RILPL1: variants seen among roughly 807,000 people sequenced by gnomAD.
RILPL1 encodes Rab interacting lysosomal protein like 1, also known as RILP-like protein 1.
In RILPL1, 33 loss-of-function variants were observed where a neutral mutation model predicts 50.3. That is an observed-to-expected ratio of 0.66 (90% CI 0.50 to 0.88). The LOEUF (loss-of-function observed/expected upper bound fraction) is 0.88, where lower values mean the gene tolerates loss of function less well. Among genes scored for constraint, RILPL1 ranks in the 40% least tolerant of loss-of-function variants. RILPL1 has a pLI of 0.00. For missense variants in RILPL1, 418 were observed against 542.5 expected (o/e 0.77, Z 2.28); for synonymous variants, 205 against 228.6 (o/e 0.90, Z 0.93).
Position 123,533,600 on chromosome 12 carries a change from C to T in RILPL1, c.-118G>A. On this transcript the variant is annotated 5_prime_UTR_variant, in exon 1 of 7. Coordinates refer to ENST00000376874, the MANE Select transcript of RILPL1 (RefSeq NM_178314.5). The surrounding 1 kb of genome is among the most constrained non-coding windows in gnomAD (Gnocchi z 6.2). ...GCCGCGGGCGGGCGCGCTCAGCGGGCGCTGGGGCGAGGGCGCAGCGGGCAG... is the reference window on the plus strand; with the variant it reads ...GCCGCGGGCGGGCGCGCTCAGCGGGTGCTGGGGCGAGGGCGCAGCGGGCAG... The T allele has an allele frequency of 1.3e-6, 1 of 795,040 alleles. No homozygotes were observed. Among genetic ancestry groups the T allele is most frequent in the Non-Finnish European group, 1.6e-6 (1 of 624,154 alleles). The allele number at this position is 795,040 out of a possible 1,614,324, so 49.2% of individuals were successfully genotyped here.
At chr12:123,523,426 C>G in intron 2 of RILPL1, 69 bp downstream of exon 2, 1 of 1,585,870 alleles carries the variant, frequency 6.3e-7, no homozygotes, top group South Asian at 1.1e-5. Flanking sequence ...GTGGTGGCGA[C>G]AATCGCTGAT....
chr12:123,510,472 TGTGG>T (rs1403684308), intron 2 of RILPL1, among the ~76,000 whole-genome samples: 3 of 135,662 alleles, frequency 2.2e-5, no homozygotes, highest in African/African-American at 3.1e-5. Flanking sequence ...GGTCTGTGTG[TGTGG>T]GGTATATGTG....
chr12:123,508,753 C>T (rs1566133141), intron 2 of RILPL1, among the ~76,000 whole-genome samples: 1 of 152,110 alleles, frequency 6.6e-6, no homozygotes, highest in Non-Finnish European at 1.5e-5. Flanking sequence ...CCTGTAATCC[C>T]AGCACTTTGG....
At chr12:123,499,597 C>G (rs1005926850) in intron 2 of RILPL1, 61 bp from the exon 3 acceptor site, 3 of 1,279,824 alleles carry the variant, frequency 2.3e-6, no homozygotes, top group Non-Finnish European at 3.4e-6. Context: ...AAATCATCCA[C>G]CACTTCTGCT....
intron 2 of RILPL1, among the ~76,000 whole-genome samples, chr12:123,503,036 C>A (rs141879547): frequency 6.7e-6 from 1 of 148,746 alleles, no homozygotes; most frequent in Non-Finnish European, 1.5e-5. Flanking sequence ...TACAGGTCCC[C>A]GCCACCACGC....
At chr12:123,481,872 T>C (rs1347440213) in intron 6 of RILPL1, among the ~76,000 whole-genome samples, 1 of 151,476 alleles carries the variant, frequency 6.6e-6, no homozygotes, top group Non-Finnish European at 1.5e-5. Context: ...TTTGTTTTGT[T>C]TTCTTTTTTC....
chr12:123,481,092 C>T (rs1041804942), intron 6 of RILPL1, among the ~76,000 whole-genome samples: 1 of 152,144 alleles, frequency 6.6e-6, no homozygotes, highest in Non-Finnish European at 1.5e-5. Context: ...CGCGGTGGCT[C>T]ACGCCTGTAA....
chr12:123,513,324 C>A (rs1884497865), intron 2 of RILPL1: 3 of 380,988 alleles, frequency 7.9e-6, no homozygotes, highest in South Asian at 5.4e-5. Flanking sequence ...CTTGTCCCGA[C>A]ATGCCCTGTC....
At position 123,498,766 on chromosome 12, in the gene RILPL1, C is replaced by A. The variant is rs1320465945; in HGVS notation, c.580-1G>T. On this transcript the variant is annotated splice_acceptor_variant, in intron 3 of 6. Coordinates refer to ENST00000376874, the MANE Select transcript of RILPL1 (RefSeq NM_178314.5). LOFTEE classifies it high-confidence loss of function. The surrounding 1 kb of genome is among the most constrained non-coding windows in gnomAD (Gnocchi z 4.3). ...TCAGCCGTGTCTGCTGCTGCTGTAA[C>A]TGTAGAAAAAGGGAGACCATTGTGC... 4 of 1,611,898 alleles carry A rather than the reference C, an allele frequency of 2.5e-6. No individual in the cohort carries two copies.
intron 3 of RILPL1, 23 bp downstream of exon 3, chr12:123,499,395 C>G: frequency 6.4e-7 from 1 of 1,566,182 alleles, no homozygotes; most frequent in Non-Finnish European, 8.8e-7. Context: ...AGGGTGGACG[C>G]AGGTCAGGGG....
At chr12:123,504,503 G>A (rs750964370) in intron 2 of RILPL1, among the ~76,000 whole-genome samples, 5 of 152,000 alleles carry the variant, frequency 3.3e-5, no homozygotes, top group Admixed American at 6.6e-5. Flanking sequence ...TTATATGATC[G>A]TCCTAGAGGC....
intron 2 of RILPL1, among the ~76,000 whole-genome samples, chr12:123,523,205 G>T (rs1401344656): frequency 6.6e-6 from 1 of 152,126 alleles, no homozygotes; most frequent in Non-Finnish European, 1.5e-5. Context: ...CAAGGGCAGG[G>T]TCTCTGTCAC....
chr12:123,514,144 C>T (rs1412846016), intron 2 of RILPL1: 1 of 152,280 alleles, frequency 6.6e-6, no homozygotes, highest in East Asian at 1.9e-4. Flanking sequence ...ACGAGGAAAG[C>T]AGCTCTGACA....
chr12:123,530,958 C>T (rs565239924), intron 1 of RILPL1, among the ~76,000 whole-genome samples: 29 of 152,056 alleles, frequency 1.9e-4, no homozygotes, highest in African/African-American at 6.5e-4. Context: ...ATGTCCTTTA[C>T]TGGAGCCATA....
At position 123,533,184 on chromosome 12, in the gene RILPL1, T is replaced by G; in HGVS notation, c.299A>C (p.Lys100Thr). Reference sequence around the variant, plus strand: ...GAGGCCGCCGCCCACCTTCTGGTGCTTGCGCTCCTTCTCGATGCGGTCCAT... The same window carrying G: ...GAGGCCGCCGCCCACCTTCTGGTGCGTGCGCTCCTTCTCGATGCGGTCCAT... ...ERMDRIEKER[K>T]HQKELELVED... The change falls in exon 1 of 7, where the codon AAG becomes ACG. Residue 100 changes from lysine (K) to threonine (T), a missense_variant. Physicochemically the swap from Lys to Thr is moderately conservative, Grantham distance 78. Coordinates refer to ENST00000376874, the MANE Select transcript of RILPL1 (RefSeq NM_178314.5). This position sits in a 1 kb window ranked among gnomAD's most constrained non-coding sequence, Gnocchi z 6.2. 1.3e-6 allele frequency: 2 copies of G among 1,557,206 alleles called. No homozygotes were observed. The highest frequency in any genetic ancestry group is 1.7e-6 in the Non-Finnish European group (2 of 1,155,246).
intron 2 of RILPL1, among the ~76,000 whole-genome samples, chr12:123,509,830 A>G (rs1303074892): frequency 1.3e-5 from 2 of 152,242 alleles, no homozygotes; most frequent in Admixed American, 1.3e-4. Context: ...CAGAGGGGCA[A>G]TTCTGCGACA....
In RILPL1 at chr12:123,489,727, G is replaced by A. The variant is rs1882565215; in HGVS notation, c.802-3922C>T. On this transcript the variant is annotated intron_variant, in intron 4 of 6. Transcript: ENST00000376874. This position sits in a 1 kb window ranked among gnomAD's most constrained non-coding sequence, Gnocchi z 4.0. ...GATCTAACTGGAGAGAATCAGGGAA[G>A]ATGTTAATCAGATGTGGTCTCTATG... 6.6e-6 allele frequency among the ~76,000 whole-genome samples: 1 copy of A among 151,868 alleles called. No homozygotes were observed. Among genetic ancestry groups the A allele is most frequent in the Admixed American group, 6.6e-5 (1 of 15,198 alleles).
Position 123,472,448 on chromosome 12 carries a change from G to A in RILPL1, c.*90C>T, listed in dbSNP as rs111439154. 2,382 of 1,432,540 alleles carry A rather than the reference G, an allele frequency of 1.7e-3. 13 individuals carry two copies. The highest frequency in any genetic ancestry group is 0.016 in the African/African-American group (1,116 of 70,376). The allele number at this position is 1,432,540 out of a possible 1,614,324, so 88.7% of individuals were successfully genotyped here. A position where few individuals can be genotyped will look rare whatever the true frequency, so the allele number is the denominator to read the frequency against. On this transcript the variant is annotated 3_prime_UTR_variant, in exon 7 of 7. Coordinates refer to ENST00000376874, the MANE Select transcript of RILPL1 (RefSeq NM_178314.5). ...TTTTCAGGGTGCATCTGCACCGAGA[G>A]GCTTGAGGCAGCAATGACCCCTGGG...
In RILPL1 at chr12:123,496,106, G is replaced by A. The variant is rs112984907; in HGVS notation, c.801+2438C>T. Among the ~76,000 whole-genome samples, 433 of 151,846 alleles carry A rather than the reference G, an allele frequency of 2.9e-3. 1 individual carries two copies. Among genetic ancestry groups the A allele is most frequent in the African/African-American group, 9.4e-3 (389 of 41,406 alleles). ...CAGTTCACCACAACCTCCACGTCCCGGGTTCAAGCAATTCTCCTGTCCCAG... is the reference window on the plus strand; with the variant it reads ...CAGTTCACCACAACCTCCACGTCCCAGGTTCAAGCAATTCTCCTGTCCCAG... On this transcript the variant is annotated intron_variant, in intron 4 of 6. Transcript: ENST00000376874.
Sources: allele counts gnomAD v4.1 joint callset (sites outside exome capture counted in the v4.1 genomes callset), GRCh38; gene constraint gnomAD v4.1.1; non-coding constraint Gnocchi (gnomAD v3.1); transcripts MANE v1.5; gene names NCBI Gene and HGNC (gene_info 2026-07-23, HGNC 2026-07-21).